The following PSMC2 variants were observed in gnomAD, a reference collection of about 807,000 sequenced individuals.
PSMC2 encodes 26S proteasome regulatory subunit 7.
A neutral mutation model predicts 53.3 loss-of-function variants in PSMC2; 7 were observed. The observed-to-expected ratio is 0.13, with a 90% CI of 0.07 to 0.25. The LOEUF is 0.25. Ranked by LOEUF, PSMC2 falls within the 10% of genes least tolerant of loss-of-function variation. The probability of loss-of-function intolerance (pLI) is 1.00; values close to 1 mark genes in which losing one functional copy is unlikely to be tolerated. For missense variants in PSMC2, 241 were observed against 544.0 expected, an observed-to-expected ratio of 0.44 and a Z score of 5.54; for synonymous variants, 169 against 183.9, an observed-to-expected ratio of 0.92 and a Z score of 0.66.
At chr7:103,356,205 T>C (rs999847772) in intron 4 of PSMC2, among the ~76,000 whole-genome samples, 1 of 152,188 alleles carries the variant, frequency 6.6e-6, no homozygotes, top group Non-Finnish European at 1.5e-5. Flanking sequence ...TTGTCTTTAA[T>C]ATAGGTATAC....
chr7:103,364,429 G>C, intron 8 of PSMC2, 122 bp downstream of exon 8: 1 of 1,121,862 alleles, frequency 8.9e-7, no homozygotes, highest in Middle Eastern at 2.9e-4. Flanking sequence ...CTTTTGTTGA[G>C]ACAGAGTCTC....
At chr7:103,365,559 G>T (rs1820671636) in intron 8 of PSMC2, among the ~76,000 whole-genome samples, 1 of 152,162 alleles carries the variant, frequency 6.6e-6, no homozygotes, top group Admixed American at 6.5e-5. Flanking sequence ...AACCCAGAAG[G>T]CGAAGGTTGC....
intron 8 of PSMC2, 139 bp downstream of exon 8, chr7:103,364,446 T>A (rs1820583939): frequency 3.2e-6 from 3 of 932,960 alleles, no homozygotes; most frequent in Non-Finnish European, 4.7e-6. Context: ...TCTCATTGTG[T>A]TGCCCAGGCT....
In PSMC2 at chr7:103,352,745, C is replaced by A. The variant is rs1290929310; in HGVS notation, c.71-1176C>A. On this transcript the variant is annotated intron_variant, in intron 1 of 11. Coordinates refer to ENST00000292644, the MANE Select transcript of PSMC2 (RefSeq NM_002803.4). ...ACTCATCCTGGTAGATTCATTTTTT[C>A]TTTATTTCACAAAAGAGAAAACAAA... 10 of 734,768 alleles carry A rather than the reference C, an allele frequency of 1.4e-5. No homozygotes were observed. The East Asian group carries it at 2.5e-4, about 18-fold the overall frequency. 45.5% of individuals were successfully genotyped at this position (734,768 alleles called of 1,614,324 possible).
chr7:103,351,913 T>A (rs1819750835), intron 1 of PSMC2, among the ~76,000 whole-genome samples: 1 of 151,916 alleles, frequency 6.6e-6, no homozygotes, highest in African/African-American at 2.4e-5. Flanking sequence ...TTAATCCAAC[T>A]CTTCCTTTCT....
In PSMC2 at chr7:103,369,325, A is replaced by G. The variant is rs576128532; in HGVS notation, c.*1271A>G. Reference sequence around the variant, plus strand: ...TCAGGTTATGCTTACAATAAAATATACTTAAGAAAATGACTGAAGATGTAT... The same window carrying G: ...TCAGGTTATGCTTACAATAAAATATGCTTAAGAAAATGACTGAAGATGTAT... On this transcript the variant is annotated 3_prime_UTR_variant, in exon 12 of 12. Transcript: ENST00000292644. 6.6e-6 allele frequency: 1 copy of G among 152,336 alleles called. No homozygotes were observed. Among genetic ancestry groups the G allele is most frequent in the East Asian group, 1.9e-4 (1 of 5,192 alleles). 9.4% of individuals were successfully genotyped at this position (152,336 alleles called of 1,614,324 possible).
chr7:103,367,737 C>T lies in PSMC2; in HGVS notation c.1072C>T (p.His358Tyr). Residue 358 changes from histidine (H) to tyrosine (Y), a missense_variant, in exon 11 of 12, where the codon CAC becomes TAC. This residue lies in a region of PSMC2 where 60 missense variants were observed against 115.8 expected (regional missense o/e 0.52). Transcript: ENST00000292644. This position sits in a 1 kb window ranked among gnomAD's most constrained non-coding sequence, Gnocchi z 6.1. ...GGGTCGGACCCACATATTTAAGATT[C>T]ACGCTCGTTCAATGAGTGTTGAAAG... The part of the protein sequence containing the change: ...LEGRTHIFKI[H>Y]ARSMSVERDI... 6.2e-7 allele frequency: 1 copy of T among 1,613,752 alleles called. No homozygotes were observed. The highest frequency in any genetic ancestry group is 8.5e-7 in the Non-Finnish European group (1 of 1,179,870).
chr7:103,361,315 C>A (rs190109564), intron 4 of PSMC2, among the ~76,000 whole-genome samples: 4 of 145,612 alleles, frequency 2.7e-5, no homozygotes, highest in Non-Finnish European at 4.5e-5. Flanking sequence ...GTTGGGAGTT[C>A]AAGAGAAACC....
intron 5 of PSMC2, 106 bp from the exon 6 acceptor site, chr7:103,362,580 T>A: frequency 7.0e-7 from 1 of 1,435,734 alleles, no homozygotes; most frequent in Non-Finnish European, 9.5e-7. Context: ...GGACTCTGTC[T>A]CTCTCTTGTT....
chr7:103,359,138 C>CTTTTT lies in PSMC2; in HGVS notation c.291-2791_291-2787dup, dbSNP rs35936603. Among the ~76,000 whole-genome samples the CTTTTT allele has an allele frequency of 9.3e-3, 291 of 31,288 alleles. 27 individuals are homozygous for CTTTTT. Among genetic ancestry groups the CTTTTT allele is most frequent in the African/African-American group, 0.015 (139 of 9,418 alleles). The allele number at this position is 31,288 out of a possible 152,430, so 20.5% of individuals were successfully genotyped here. ...CAGGTGCATACCACCCCATGTCTGG[C>CTTTTT]TTTTTTTTTTTTTTTTTTTTTTTTT... On this transcript the variant is annotated intron_variant, in intron 4 of 11. Transcript: ENST00000292644.
intron 1 of PSMC2, chr7:103,352,603 C>A (rs754382600): frequency 5.0e-6 from 2 of 398,018 alleles, no homozygotes; most frequent in Non-Finnish European, 9.4e-6. Flanking sequence ...CATGGTTTCG[C>A]CATGTGGTCC....
rs1453467518 is a variant in PSMC2, at chr7:103,367,614, A to C, written c.1046A>C (p.Glu349Ala). The C allele has an allele frequency of 6.2e-7, 1 of 1,613,770 alleles. No homozygotes were observed. The highest frequency in any genetic ancestry group is 1.1e-5 in the South Asian group (1 of 91,008). ...ATTGAATTTAGCTTGCCCGATCTAGAGGTAAGAAAACCATTTCATTTTAGG... is the reference window on the plus strand; with the variant it reads ...ATTGAATTTAGCTTGCCCGATCTAGCGGTAAGAAAACCATTTCATTTTAGG... ...RKIEFSLPDL[E>A]GRTHIFKIHA... Residue 349 changes from glutamate to alanine, a missense_variant and splice_region_variant, in exon 10 of 12, where the codon GAG becomes GCG. Transcript: ENST00000292644. This position sits in a 1 kb window ranked among gnomAD's most constrained non-coding sequence, Gnocchi z 6.1.
Position 103,368,485 on chromosome 7 carries a change from T to G in PSMC2, c.*431T>G, listed in dbSNP as rs1328994672. 1 of 154,928 alleles carries G rather than the reference T, an allele frequency of 6.5e-6. No individual in the cohort carries two copies. The highest frequency in any genetic ancestry group is 2.4e-5 in the African/African-American group (1 of 41,500). The allele number at this position is 154,928 out of a possible 1,614,324, so 9.6% of individuals were successfully genotyped here. A position where few individuals can be genotyped will look rare whatever the true frequency, so the allele number is the denominator to read the frequency against. On this transcript the variant is annotated 3_prime_UTR_variant, in exon 12 of 12. Transcript: ENST00000292644. ...ACAAGTTTGTTGGCTCCATTACCTA[T>G]GCTCCTATTATCCGCTTCTGTCCCG...
chr7:103,364,111 T>C (rs1208782714), intron 7 of PSMC2, 32 bp from the exon 8 acceptor site: 2 of 1,601,796 alleles, frequency 1.2e-6, no homozygotes, highest in Non-Finnish European at 8.5e-7. Flanking sequence ...TATACAGAAG[T>C]GGTAAGTGTG....
chr7:103,365,344 T>C (rs1460788747), intron 8 of PSMC2, among the ~76,000 whole-genome samples: 1 of 152,076 alleles, frequency 6.6e-6, no homozygotes, highest in East Asian at 1.9e-4. Context: ...AAAAAAAGTT[T>C]AGATAGGCCA....
At position 103,364,126 on chromosome 7, in the gene PSMC2, TTG is replaced by T; in HGVS notation, c.592-13_592-12del. On this transcript the variant is annotated splice_polypyrimidine_tract_variant and intron_variant, in intron 7 of 11. Coordinates refer to ENST00000292644, the MANE Select transcript of PSMC2 (RefSeq NM_002803.4). ...TATACAGAAGTGGTAAGTGTGAAAATTGTGTCTCTATCACAGCCAGAGAGGTT... is the reference window on the plus strand; with the variant it reads ...TATACAGAAGTGGTAAGTGTGAAAATTGTCTCTATCACAGCCAGAGAGGTT... 1 of 1,609,564 alleles carries T rather than the reference TTG, an allele frequency of 6.2e-7. No homozygotes were observed. The highest frequency in any genetic ancestry group is 8.5e-7 in the Non-Finnish European group (1 of 1,178,174).
intron 4 of PSMC2, among the ~76,000 whole-genome samples, chr7:103,357,205 A>G (rs1488826384): frequency 6.6e-6 from 1 of 152,006 alleles, no homozygotes; most frequent in African/African-American, 2.4e-5. Context: ...GGGCGCTTGT[A>G]ATCCCAGCTA....
At chr7:103,360,971 G>A (rs930012230) in intron 4 of PSMC2, among the ~76,000 whole-genome samples, 2 of 151,946 alleles carry the variant, frequency 1.3e-5, no homozygotes, top group Admixed American at 1.3e-4. Context: ...ACAATTAGCC[G>A]GGCGTGCTGG....
chr7:103,356,201 T>C (rs546405793), intron 4 of PSMC2, among the ~76,000 whole-genome samples: 62 of 152,336 alleles, frequency 4.1e-4, no homozygotes, highest in African/African-American at 1.4e-3. Flanking sequence ...ATCTTTGTCT[T>C]TAATATAGGT....
Sources: allele counts gnomAD v4.1 joint callset (sites outside exome capture counted in the v4.1 genomes callset), GRCh38; gene constraint gnomAD v4.1.1; regional missense constraint gnomAD v4.1.1; non-coding constraint Gnocchi (gnomAD v3.1); transcripts MANE v1.5; gene names NCBI Gene and HGNC (gene_info 2026-07-23, HGNC 2026-07-21).